LDLRAD4: variants seen among roughly 807,000 people sequenced by gnomAD.
The protein encoded by LDLRAD4 is low-density lipoprotein receptor class A domain-containing protein 4.
A neutral mutation model predicts 17.0 loss-of-function variants in LDLRAD4; 5 were observed. That is an observed-to-expected ratio of 0.29 (90% CI 0.15 to 0.62). The LOEUF (loss-of-function observed/expected upper bound fraction) is 0.62. Among genes scored for constraint, LDLRAD4 ranks in the 20% least tolerant of loss-of-function variants. The pLI is 0.84. For missense variants in LDLRAD4, 340 were observed against 424.7 expected, an observed-to-expected ratio of 0.80 and a Z score of 1.75; for synonymous variants, 168 against 171.8, an observed-to-expected ratio of 0.98 and a Z score of 0.17.
At chr18:13,503,252 A>G (rs1254843378) in intron 3 of LDLRAD4, among the ~76,000 whole-genome samples, 1 of 152,200 alleles carries the variant, frequency 6.6e-6, no homozygotes, top group Admixed American at 6.5e-5. Flanking sequence ...AACTGTTGGA[A>G]ATGGCAGCAT....
intron 3 of LDLRAD4, among the ~76,000 whole-genome samples, chr18:13,570,981 G>T (rs2094681784): frequency 6.6e-6 from 1 of 152,034 alleles, no homozygotes; most frequent in Non-Finnish European, 1.5e-5. Flanking sequence ...ACCATACCTG[G>T]CTAATTTTTA....
chr18:13,532,620 C>A (rs949148861), intron 3 of LDLRAD4, among the ~76,000 whole-genome samples: 8 of 152,230 alleles, frequency 5.3e-5, no homozygotes, highest in Admixed American at 3.9e-4. Flanking sequence ...CCTCAGTAAC[C>A]AGTCTCGTCT....
At chr18:13,540,061 A>G (rs953507301) in intron 3 of LDLRAD4, among the ~76,000 whole-genome samples, 2 of 152,242 alleles carry the variant, frequency 1.3e-5, no homozygotes, top group Non-Finnish European at 2.9e-5. Context: ...CTTCTGGCCC[A>G]AGAACAGGGA....
At chr18:13,428,948 A>T (rs1241333352) in intron 2 of LDLRAD4, among the ~76,000 whole-genome samples, 1 of 152,114 alleles carries the variant, frequency 6.6e-6, no homozygotes, top group Non-Finnish European at 1.5e-5. Flanking sequence ...GGCAAGGTGG[A>T]AAGGTCAGGG....
intron 1 of LDLRAD4, among the ~76,000 whole-genome samples, chr18:13,230,872 A>G (rs2042037083): frequency 6.6e-6 from 1 of 152,206 alleles, no homozygotes; most frequent in African/African-American, 2.4e-5. Context: ...TCCAGGGCGA[A>G]TCCTGACACA....
chr18:13,586,362 G>A (rs1231368895), intron 3 of LDLRAD4, among the ~76,000 whole-genome samples: 5 of 122,690 alleles, frequency 4.1e-5, no homozygotes, highest in East Asian at 5.7e-4. Context: ...AGTTGAGGTC[G>A]TGCCACTGCA....
chr18:13,341,394 T>G (rs981904104), intron 1 of LDLRAD4, among the ~76,000 whole-genome samples: 9 of 152,140 alleles, frequency 5.9e-5, no homozygotes, highest in African/African-American at 2.2e-4. Context: ...GGTGTTTTCT[T>G]TAATTCTTTC....
chr18:13,460,606 T>C (rs2092381767), intron 3 of LDLRAD4, among the ~76,000 whole-genome samples: 1 of 152,336 alleles, frequency 6.6e-6, no homozygotes, highest in Admixed American at 6.5e-5. Context: ...AAGAAAATTC[T>C]TCATATCTGA....
intron 1 of LDLRAD4, among the ~76,000 whole-genome samples, chr18:13,318,595 A>C (rs1263743743): frequency 6.6e-6 from 1 of 152,088 alleles, no homozygotes; most frequent in African/African-American, 2.4e-5. Flanking sequence ...ATAAGACTAA[A>C]ATTTCTTGTG....
intron 3 of LDLRAD4, among the ~76,000 whole-genome samples, chr18:13,590,382 G>A (rs1180502162): frequency 3.9e-5 from 6 of 152,126 alleles, no homozygotes; most frequent in Admixed American, 6.5e-5. Flanking sequence ...TGTTGTGTGT[G>A]TGCGCCTGCA....
chr18:13,263,005 C>T (rs1428280469), intron 1 of LDLRAD4, among the ~76,000 whole-genome samples: 13 of 90,868 alleles, frequency 1.4e-4, no homozygotes, highest in African/African-American at 6.0e-4. Flanking sequence ...CGGCTCCGTG[C>T]GTGGGGGCTG....
rs559121207 is a variant in LDLRAD4, at chr18:13,555,327, C to T, written c.182-65790C>T. 4.6e-5 allele frequency among the ~76,000 whole-genome samples: 7 copies of T among 152,362 alleles called. No homozygotes were observed. In the East Asian group the frequency reaches 1.3e-3, roughly 29 times the overall value. ...TCAGTGGAACCATTTAACCTCAGCA[C>T]TATCTTTCTGCAGTAGTTGGGGATA... is the stretch of plus-strand genomic sequence containing the variant. On this transcript the variant is annotated intron_variant, in intron 3 of 5. Coordinates refer to ENST00000359446, the Ensembl canonical transcript of LDLRAD4.
At chr18:13,304,833 G>A (rs1466275818) in intron 1 of LDLRAD4, among the ~76,000 whole-genome samples, 1 of 152,174 alleles carries the variant, frequency 6.6e-6, no homozygotes, top group African/African-American at 2.4e-5. Context: ...GGATCCCTAG[G>A]GATGGGGACA....
At chr18:13,612,137 C>G (rs565112717) in intron 3 of LDLRAD4, 20 of 986,072 alleles carry the variant, frequency 2.0e-5, no homozygotes, top group Non-Finnish European at 2.3e-5. Flanking sequence ...TTGTGTGAGA[C>G]TTGCAGATTT....
intron 2 of LDLRAD4, among the ~76,000 whole-genome samples, chr18:13,431,291 G>C (rs1312669155): frequency 1.3e-5 from 2 of 152,228 alleles, no homozygotes; most frequent in South Asian, 4.1e-4. Context: ...GAGTTTGAAA[G>C]GGGGTTCTTA....
chr18:13,467,799 A>T (rs113844872), intron 3 of LDLRAD4, among the ~76,000 whole-genome samples: 2,156 of 152,332 alleles, frequency 0.014, 19 homozygotes, highest in Middle Eastern at 0.024. Flanking sequence ...GCATAGACCT[A>T]TGAAGAGAAC....
At chr18:13,260,329 C>G (rs1296972853) in intron 1 of LDLRAD4, among the ~76,000 whole-genome samples, 2 of 152,246 alleles carry the variant, frequency 1.3e-5, no homozygotes, top group African/African-American at 4.8e-5. Flanking sequence ...GTCTGTGGAA[C>G]AGCCTTCCCT....
chr18:13,355,939 C>T (rs1038306610), intron 1 of LDLRAD4, among the ~76,000 whole-genome samples: 8 of 152,184 alleles, frequency 5.3e-5, no homozygotes, highest in Non-Finnish European at 1.0e-4. Flanking sequence ...CTCCAAGAGT[C>T]TTAAGTTGGA....
upstream of LDLRAD4, among the ~76,000 whole-genome samples, chr18:13,274,766 G>A (rs2044759968): frequency 6.6e-6 from 1 of 152,184 alleles, no homozygotes; most frequent in Non-Finnish European, 1.5e-5. Flanking sequence ...ATGTAAAATA[G>A]ACACAATGTT....
Sources: allele counts gnomAD v4.1 joint callset (sites outside exome capture counted in the v4.1 genomes callset), GRCh38; gene constraint gnomAD v4.1.1; transcripts MANE v1.5; gene names NCBI Gene and HGNC (gene_info 2026-07-23, HGNC 2026-07-21).